Variants in BNC2 observed in about 807,000 individuals in gnomAD.
BNC2 encodes basonuclin zinc finger protein 2.
Under a neutral mutation model 76.3 loss-of-function variants are expected in BNC2, and 20 were observed. The observed-to-expected ratio is 0.26, with a 90% CI of 0.18 to 0.38. BNC2 has a LOEUF of 0.38. BNC2 is among the 10% of genes least tolerant of loss of function. BNC2 has a pLI of 1.00. For missense variants in BNC2, 1,382 were observed against 1,399.8 expected, an observed-to-expected ratio of 0.99 and a Z score of 0.20; for synonymous variants, 582 against 514.8, an observed-to-expected ratio of 1.13 and a Z score of -1.77.
At chr9:16,509,802 C>G (rs1822711726) in intron 5 of BNC2, among the ~76,000 whole-genome samples, 1 of 152,174 alleles carries the variant, frequency 6.6e-6, no homozygotes, top group African/African-American at 2.4e-5. Context: ...AGTCATTTAA[C>G]TACTAAAGAA....
At chr9:16,562,996 T>C (rs1181991563) in intron 4 of BNC2, among the ~76,000 whole-genome samples, 2 of 152,214 alleles carry the variant, frequency 1.3e-5, no homozygotes, top group Non-Finnish European at 2.9e-5. Context: ...CCATAACTTA[T>C]TGATATGTTT....
In BNC2 at chr9:16,681,183, T is replaced by C. The variant is rs1015084474; in HGVS notation, c.330+46614A>G. Among the ~76,000 whole-genome samples the C allele has an allele frequency of 3.3e-5, 5 of 152,100 alleles. 1 individual carries two copies. The highest frequency in any genetic ancestry group is 7.3e-5 in the Non-Finnish European group (5 of 68,034). On this transcript the variant is annotated intron_variant, in intron 3 of 6. Transcript: ENST00000380672. Reference sequence around the variant, plus strand: ...TAGGAAACTCTTAGCACTCCCAGAGTTACGTCAAATTTTCCATGGACCGAA... The same window carrying C: ...TAGGAAACTCTTAGCACTCCCAGAGCTACGTCAAATTTTCCATGGACCGAA...
intron 5 of BNC2, among the ~76,000 whole-genome samples, chr9:16,481,064 C>T (rs569291868): frequency 5.3e-5 from 8 of 152,242 alleles, no homozygotes; most frequent in South Asian, 4.1e-4. Context: ...GGTTTGTAAA[C>T]GCACCAATCA....
At chr9:16,566,751 A>G (rs1046315683) in intron 4 of BNC2, among the ~76,000 whole-genome samples, 3 of 152,160 alleles carry the variant, frequency 2.0e-5, no homozygotes, top group Non-Finnish European at 4.4e-5. Context: ...TGTAGTATAG[A>G]CCCTGGAAAG....
intron 4 of BNC2, 104 bp from the exon 5 acceptor site, chr9:16,552,869 T>C: frequency 1.1e-6 from 1 of 899,114 alleles, no homozygotes; most frequent in Non-Finnish European, 1.8e-6. Flanking sequence ...GGGCTCCATT[T>C]CTACACATGA....
chr9:16,596,021 G>T (rs912806541), intron 3 of BNC2, among the ~76,000 whole-genome samples: 8 of 152,064 alleles, frequency 5.3e-5, no homozygotes, highest in African/African-American at 1.4e-4. Flanking sequence ...GGTCCATTGG[G>T]TCAATAATCC....
intron 3 of BNC2, among the ~76,000 whole-genome samples, chr9:16,723,423 T>C (rs945251434): frequency 6.6e-6 from 1 of 151,960 alleles, no homozygotes; most frequent in Non-Finnish European, 1.5e-5. Context: ...AACCACAATG[T>C]ACAACTAGGC....
intron 5 of BNC2, among the ~76,000 whole-genome samples, chr9:16,445,480 T>C (rs1821213601): frequency 6.6e-6 from 1 of 152,148 alleles, no homozygotes; most frequent in Admixed American, 6.6e-5. Flanking sequence ...TACCAAATGG[T>C]TCAAATTAGA....
intron 3 of BNC2, among the ~76,000 whole-genome samples, chr9:16,663,830 T>A (rs2134089539): frequency 6.6e-6 from 1 of 152,278 alleles, no homozygotes; most frequent in East Asian, 1.9e-4. Context: ...GAAAACAGAT[T>A]TTTCCAAATA....
intron 1 of BNC2, among the ~76,000 whole-genome samples, chr9:16,850,947 T>C (rs920453288): frequency 2.0e-5 from 3 of 152,154 alleles, no homozygotes; most frequent in Non-Finnish European, 2.9e-5. Context: ...TTAGAAGAAC[T>C]AGACACAGGC....
chr9:16,609,143 G>A (rs1820467734), intron 3 of BNC2, among the ~76,000 whole-genome samples: 1 of 152,048 alleles, frequency 6.6e-6, no homozygotes, highest in South Asian at 2.1e-4. Context: ...TGCACCCCAG[G>A]GGACCTTTCG....
At chr9:16,662,338 T>C (rs1822132978) in intron 3 of BNC2, among the ~76,000 whole-genome samples, 1 of 152,140 alleles carries the variant, frequency 6.6e-6, no homozygotes, top group Non-Finnish European at 1.5e-5. Flanking sequence ...TTACACCACA[T>C]CGCCAATACT....
At chr9:16,515,888 A>C (rs545550878) in intron 5 of BNC2, among the ~76,000 whole-genome samples, 1 of 152,070 alleles carries the variant, frequency 6.6e-6, no homozygotes, top group Admixed American at 6.5e-5. Context: ...GACAATTGTA[A>C]CATGAAACAG....
intron 1 of BNC2, among the ~76,000 whole-genome samples, chr9:16,827,700 G>A (rs1056370851): frequency 3.9e-5 from 6 of 152,172 alleles, no homozygotes; most frequent in African/African-American, 1.4e-4. Context: ...GAGATTCTAT[G>A]TGCACACGTG....
intron 3 of BNC2, among the ~76,000 whole-genome samples, chr9:16,709,689 T>C (rs1823777824): frequency 6.6e-6 from 1 of 152,220 alleles, no homozygotes. Flanking sequence ...TTTAATATAA[T>C]GATTGCACAG....
rs60545823 is a variant in BNC2, at chr9:16,614,958, TAAAAAAAAAAAAAAAAAAA to T, written c.331-31892_331-31874del. 2.1e-4 allele frequency among the ~76,000 whole-genome samples: 13 copies of T among 62,526 alleles called. 1 individual carries two copies. The highest frequency in any genetic ancestry group is 1.5e-4 in the Non-Finnish European group (5 of 33,254). 41.0% of individuals were successfully genotyped at this position (62,526 alleles called of 152,430 possible). ...ATGACAGAGTGAGACTCTGTCTCTT[TAAAAAAAAAAAAAAAAAAA>T]AAAAAAAAAAAAAAAAAAAAAAAAA... On this transcript the variant is annotated intron_variant, in intron 3 of 6. Transcript: ENST00000380672.
At chr9:16,790,242 C>T (rs1245173750) in intron 1 of BNC2, among the ~76,000 whole-genome samples, 2 of 152,322 alleles carry the variant, frequency 1.3e-5, no homozygotes, top group Admixed American at 1.3e-4. Flanking sequence ...CGTGATCCGC[C>T]CGCCTCGGCC....
chr9:16,455,977 C>A (rs1821439601), intron 5 of BNC2, among the ~76,000 whole-genome samples: 1 of 152,170 alleles, frequency 6.6e-6, no homozygotes, highest in Non-Finnish European at 1.5e-5. Flanking sequence ...TTGCTTCTCT[C>A]TGTGAACTAC....
chr9:16,671,076 C>T (rs1283383420), intron 3 of BNC2, among the ~76,000 whole-genome samples: 2 of 152,088 alleles, frequency 1.3e-5, no homozygotes, highest in Non-Finnish European at 2.9e-5. Flanking sequence ...TTAAATATTT[C>T]CTCAGAAGGC....
Sources: gnomAD v4.1 joint callset for allele counts (sites outside exome capture counted in the v4.1 genomes callset) on GRCh38, gnomAD v4.1.1 for gene constraint, MANE v1.5 for transcripts, NCBI Gene and HGNC (gene_info 2026-07-23, HGNC 2026-07-21) for gene names.